The following ADGRL4 variants were observed in gnomAD, a reference collection of about 807,000 sequenced individuals.
ADGRL4 encodes the protein adhesion G protein-coupled receptor L4, also known as EGF, latrophilin and seven transmembrane domain containing 1.
In ADGRL4, 90 loss-of-function variants were observed where a neutral mutation model predicts 74.8. The observed-to-expected ratio is 1.20, with a 90% CI of 1.02 to 1.43. The LOEUF (loss-of-function observed/expected upper bound fraction) is 1.43, where lower values mean the gene tolerates loss of function less well. ADGRL4 is among the 40% of genes most tolerant of loss of function. ADGRL4 has a pLI of 0.00. For synonymous variants in ADGRL4, 311 were observed against 279.2 expected, an observed-to-expected ratio of 1.11 and a Z score of -1.14; for missense variants, 881 against 814.3, an observed-to-expected ratio of 1.08 and a Z score of -1.00.
At chr1:78,981,709 AT>A (rs1294226711) in intron 2 of ADGRL4, among the ~76,000 whole-genome samples, 3 of 151,878 alleles carry the variant, frequency 2.0e-5, no homozygotes, top group African/African-American at 4.8e-5. Context: ...TTCTATTTTT[AT>A]GTCTTGGTTT....
chr1:78,909,546 G>A (rs143753370), intron 12 of ADGRL4, among the ~76,000 whole-genome samples: 1,965 of 151,958 alleles, frequency 0.013, 44 homozygotes, highest in African/African-American at 0.045. Flanking sequence ...TTGATCCAAC[G>A]TGTCAGCTCT....
At chr1:78,898,010 G>A (rs1425699575) in intron 12 of ADGRL4, among the ~76,000 whole-genome samples, 1 of 152,028 alleles carries the variant, frequency 6.6e-6, no homozygotes, top group African/African-American at 2.4e-5. Context: ...TATGTACCTA[G>A]AGGTGGAAAT....
intron 12 of ADGRL4, among the ~76,000 whole-genome samples, chr1:78,906,842 A>C (rs1226881598): frequency 6.6e-6 from 1 of 152,012 alleles, no homozygotes; most frequent in Non-Finnish European, 1.5e-5. Context: ...AATTATTGCC[A>C]ATTTAATTTT....
Position 78,932,648 on chromosome 1 carries a change from TA to T in ADGRL4, c.877+3646del, listed in dbSNP as rs200401505. 2.8e-3 allele frequency among the ~76,000 whole-genome samples: 382 copies of T among 137,872 alleles called. 10 individuals carry two copies. The highest frequency in any genetic ancestry group is 8.9e-3 in the African/African-American group (329 of 36,820). 90.4% of individuals were successfully genotyped at this position (137,872 alleles called of 152,430 possible). A position where few individuals can be genotyped will look rare whatever the true frequency, so the allele number is the denominator to read the frequency against. ...AAAAACAATGAATCCAGAAGCTGGT[TA>T]AAAAAAAATTAACAAAATAGACCAC... On this transcript the variant is annotated intron_variant, in intron 7 of 14. Transcript: ENST00000370742.
chr1:79,004,289 T>C (rs1432120519), intron 2 of ADGRL4, among the ~76,000 whole-genome samples: 1 of 152,046 alleles, frequency 6.6e-6, no homozygotes, highest in Non-Finnish European at 1.5e-5. Context: ...CTCTCTCTTC[T>C]ACACAGGACG....
intron 12 of ADGRL4, among the ~76,000 whole-genome samples, chr1:78,894,577 A>G (rs1306915427): frequency 6.6e-6 from 1 of 151,836 alleles, no homozygotes; most frequent in African/African-American, 2.4e-5. Context: ...TGAAACTGGA[A>G]TACTTAGTAT....
chr1:78,909,513 A>G (rs1648712705), intron 12 of ADGRL4, among the ~76,000 whole-genome samples: 1 of 151,946 alleles, frequency 6.6e-6, no homozygotes, highest in African/African-American at 2.4e-5. Flanking sequence ...TAGCACAGAC[A>G]GGACAGCCTC....
intron 2 of ADGRL4, among the ~76,000 whole-genome samples, chr1:78,946,954 A>G (rs1390260186): frequency 6.6e-6 from 1 of 152,220 alleles, no homozygotes; most frequent in African/African-American, 2.4e-5. Context: ...ATTGTTCCAC[A>G]GAATAGTATG....
intron 2 of ADGRL4, among the ~76,000 whole-genome samples, chr1:78,959,703 C>T (rs1391341469): frequency 6.6e-6 from 1 of 152,164 alleles, no homozygotes; most frequent in Non-Finnish European, 1.5e-5. Context: ...GGTCTGGACT[C>T]ATTTATTCTA....
intron 2 of ADGRL4, among the ~76,000 whole-genome samples, chr1:78,982,918 A>G (rs919446338): frequency 6.6e-6 from 1 of 151,882 alleles, no homozygotes; most frequent in African/African-American, 2.4e-5. Flanking sequence ...AAAGTGCTAC[A>G]TATTCAGTGA....
At chr1:78,927,837 T>C (rs1649151484) in intron 7 of ADGRL4, among the ~76,000 whole-genome samples, 1 of 152,194 alleles carries the variant, frequency 6.6e-6, no homozygotes, top group Non-Finnish European at 1.5e-5. Context: ...CAAAGTGTAT[T>C]GCTATTTATG....
intron 2 of ADGRL4, among the ~76,000 whole-genome samples, chr1:79,001,457 T>C (rs1650843157): frequency 6.6e-6 from 1 of 150,840 alleles, no homozygotes. Context: ...AAAAACAAAA[T>C]ATTTAGAAGC....
intron 2 of ADGRL4, among the ~76,000 whole-genome samples, chr1:79,003,966 A>C (rs1046190620): frequency 1.3e-5 from 2 of 152,080 alleles, no homozygotes; most frequent in Non-Finnish European, 2.9e-5. Context: ...TTAATGCACC[A>C]TTAAGTGAAC....
At chr1:78,994,325 A>G (rs1650672182) in intron 2 of ADGRL4, among the ~76,000 whole-genome samples, 1 of 152,198 alleles carries the variant, frequency 6.6e-6, no homozygotes. Flanking sequence ...ACAACATATA[A>G]CATTCAATCA....
In ADGRL4 at chr1:78,936,386, T is replaced by C. The variant is rs904744824; in HGVS notation, c.786A>G (p.Ser262=). 3 of 1,569,084 alleles carry C rather than the reference T, an allele frequency of 1.9e-6. No individual in the cohort carries two copies. The highest frequency in any genetic ancestry group is 2.1e-5 in the Admixed American group (1 of 47,130). The part of the protein sequence containing the change: ...DIALKVFFFD[S]YNMKHIHPHM... ...GAGGATGAATATGTTTCATGTTATA[T>C]GAATCAAAAAAGAAAACTTTGAGAG... Residue 262 remains serine (S), a synonymous_variant, in exon 7 of 15, where the codon TCA becomes TCG. Coordinates refer to ENST00000370742, the MANE Select transcript of ADGRL4 (RefSeq NM_022159.4).
intron 2 of ADGRL4, among the ~76,000 whole-genome samples, chr1:78,963,816 A>G (rs1008897333): frequency 6.6e-6 from 1 of 152,216 alleles, no homozygotes; most frequent in Non-Finnish European, 1.5e-5. Context: ...CAATAAACCT[A>G]TGGAAATTTC....
chr1:78,917,994 T>C lies in ADGRL4; in HGVS notation c.1518A>G (p.Ala506=). ...LLHYFFLAAF[A]WMCIEGIHLY... ...GATGTATGCCTTCAATGCACATCCA[T>C]GCAAAAGCAGCTAAAAAGAAGTAGT... The change falls in exon 11 of 15, where the codon GCA becomes GCG. Residue 506 remains alanine, a synonymous_variant. Transcript: ENST00000370742. The C allele has an allele frequency of 6.2e-7, 1 of 1,611,480 alleles. No homozygotes were observed. Among genetic ancestry groups the C allele is most frequent in the South Asian group, 1.1e-5 (1 of 91,006 alleles).
At chr1:79,002,562 G>A (rs951701696) in intron 2 of ADGRL4, among the ~76,000 whole-genome samples, 6 of 152,086 alleles carry the variant, frequency 3.9e-5, no homozygotes, top group African/African-American at 9.7e-5. Flanking sequence ...TTAAGTAGCC[G>A]AGTTACATGA....
At chr1:78,977,596 G>A (rs963276155) in intron 2 of ADGRL4, among the ~76,000 whole-genome samples, 1 of 151,906 alleles carries the variant, frequency 6.6e-6, no homozygotes, top group Non-Finnish European at 1.5e-5. Flanking sequence ...GTAAGACCAT[G>A]CGAAGCTGTT....
Sources: allele counts gnomAD v4.1 joint callset (sites outside exome capture counted in the v4.1 genomes callset), GRCh38; gene constraint gnomAD v4.1.1; transcripts MANE v1.5; gene names NCBI Gene and HGNC (gene_info 2026-07-23, HGNC 2026-07-21).